ZNF148: variants seen among roughly 807,000 people sequenced by gnomAD.
ZNF148 encodes zinc finger protein 148.
Under a neutral mutation model 67.7 loss-of-function variants are expected in ZNF148, and 7 were observed. That is an observed-to-expected ratio of 0.10 (90% CI 0.06 to 0.19). The LOEUF is 0.19. Among genes scored for constraint, ZNF148 ranks in the 10% least tolerant of loss-of-function variants. The pLI is 1.00. For missense variants in ZNF148, 583 were observed against 947.1 expected (o/e 0.62, Z 5.05); for synonymous variants, 333 against 330.7 (o/e 1.01, Z -0.08).
chr3:125,371,023 T>C (rs1393024023), intron 1 of ZNF148, among the ~76,000 whole-genome samples: 1 of 151,972 alleles, frequency 6.6e-6, no homozygotes, highest in Non-Finnish European at 1.5e-5. Context: ...AAAAAACACA[T>C]GTATATGCCA....
chr3:125,309,516 C>A (rs7612285), intron 4 of ZNF148, among the ~76,000 whole-genome samples: 117,303 of 152,106 alleles, frequency 0.77, 45,764 homozygotes, highest in African/African-American at 0.85. Flanking sequence ...ACAGAAAAAA[C>A]CCATAGTGGA....
intron 1 of ZNF148, among the ~76,000 whole-genome samples, chr3:125,349,608 GAACA>G (rs1942065805): frequency 6.6e-6 from 1 of 152,184 alleles, no homozygotes; most frequent in Admixed American, 6.5e-5. Flanking sequence ...GAAGAGAAGG[GAACA>G]CTTAAATATT....
At position 125,233,807 on chromosome 3, in the gene ZNF148, G is replaced by C. The variant is rs1413380850; in HGVS notation, c.919C>G (p.Pro307Ala). 1 of 1,613,624 alleles carries C rather than the reference G, an allele frequency of 6.2e-7. No homozygotes were observed. The highest frequency in any genetic ancestry group is 8.5e-7 in the Non-Finnish European group (1 of 1,179,844). ...SEEDSGFSTS[P>A]KDNSLPKKKR... is the part of the protein sequence containing the mutation. The stretch of plus-strand genomic sequence containing the variant: ...TTTTTTGGCAGTGAGTTGTCTTTTG[G>C]TGATGTAGAAAAGCCAGAATCTTCC... The change falls in exon 9 of 9, where the codon CCA becomes GCA. Residue 307 changes from proline (P) to alanine (A), a missense_variant. Coordinates refer to ENST00000360647, the MANE Select transcript of ZNF148 (RefSeq NM_021964.3). This position sits in a 1 kb window ranked among gnomAD's most constrained non-coding sequence, Gnocchi z 5.1.
chr3:125,271,602 G>C (rs1937741708), intron 7 of ZNF148, among the ~76,000 whole-genome samples: 1 of 152,202 alleles, frequency 6.6e-6, no homozygotes, highest in South Asian at 2.1e-4. Flanking sequence ...CACTGAGGGA[G>C]GTGACTTAAT....
In ZNF148 at chr3:125,232,507, G is replaced by C; in HGVS notation, c.2219C>G (p.Ser740Ter). 1 of 1,613,662 alleles carries C rather than the reference G, an allele frequency of 6.2e-7. No homozygotes were observed. The highest frequency in any genetic ancestry group is 8.5e-7 in the Non-Finnish European group (1 of 1,179,730). Reference sequence around the variant, plus strand: ...AAATTGAGTAGCTATTCCAGCTCTTGATCCATGATAGGGAGCACGGAAGGG... The same window carrying C: ...AAATTGAGTAGCTATTCCAGCTCTTCATCCATGATAGGGAGCACGGAAGGG... ...EQPFRAPYHG[S>*]RAGIATQFST... The change falls in exon 9 of 9, where the codon TCA (serine) becomes TGA (stop). Residue 740 changes from serine to a stop codon, truncating the protein, a stop_gained. Coordinates refer to ENST00000360647, the MANE Select transcript of ZNF148 (RefSeq NM_021964.3). LOFTEE classifies it high-confidence loss of function. The surrounding 1 kb of genome is among the most constrained non-coding windows in gnomAD (Gnocchi z 4.2).
intron 1 of ZNF148, among the ~76,000 whole-genome samples, chr3:125,331,846 T>C (rs1487829464): frequency 6.6e-6 from 1 of 152,198 alleles, no homozygotes; most frequent in Non-Finnish European, 1.5e-5. Flanking sequence ...GGTACTGCAT[T>C]GATGCCGACC....
chr3:125,366,029 C>T (rs1942691960), intron 1 of ZNF148, among the ~76,000 whole-genome samples: 1 of 152,150 alleles, frequency 6.6e-6, no homozygotes, highest in Non-Finnish European at 1.5e-5. Context: ...CACCACATTA[C>T]CCGCAATCTA....
At chr3:125,255,447 A>G (rs1937033893) in intron 7 of ZNF148, among the ~76,000 whole-genome samples, 1 of 151,840 alleles carries the variant, frequency 6.6e-6, no homozygotes, top group Admixed American at 6.6e-5. Flanking sequence ...GGGTTTCCCC[A>G]TGTTGGCCAG....
intron 3 of ZNF148, among the ~76,000 whole-genome samples, chr3:125,316,366 G>A (rs1404603052): frequency 6.6e-6 from 1 of 152,180 alleles, no homozygotes; most frequent in Non-Finnish European, 1.5e-5. Context: ...ATACCCAGCA[G>A]TGCGATTGCT....
chr3:125,352,211 T>C (rs982848788), intron 1 of ZNF148, among the ~76,000 whole-genome samples: 7 of 151,390 alleles, frequency 4.6e-5, no homozygotes, highest in African/African-American at 1.7e-4. Flanking sequence ...TAGATTACTA[T>C]TCAGCAATAA....
intron 5 of ZNF148, among the ~76,000 whole-genome samples, chr3:125,280,677 CT>C (rs1389697823): frequency 3.6e-5 from 2 of 55,424 alleles, no homozygotes; most frequent in East Asian, 3.2e-4. Flanking sequence ...TAAAACCCAT[CT>C]CAAAAAAAAA....
chr3:125,327,474 C>A (rs933850253), intron 2 of ZNF148, among the ~76,000 whole-genome samples: 14 of 152,106 alleles, frequency 9.2e-5, no homozygotes, highest in African/African-American at 3.1e-4. Flanking sequence ...ACAGGCCACA[C>A]GCGGGGCCAT....
At chr3:125,326,537 TA>T (rs1941025056) in intron 2 of ZNF148, among the ~76,000 whole-genome samples, 2 of 150,900 alleles carry the variant, frequency 1.3e-5, no homozygotes, top group Admixed American at 1.3e-4. Flanking sequence ...AAAAAGTATT[TA>T]ACACAAAAGG....
At chr3:125,280,162 T>A (rs1314936670) in intron 5 of ZNF148, among the ~76,000 whole-genome samples, 1 of 152,244 alleles carries the variant, frequency 6.6e-6, no homozygotes, top group East Asian at 1.9e-4. Flanking sequence ...GGGGTCCATC[T>A]GGGGCATAAG....
At chr3:125,314,426 T>G (rs79685670) in intron 3 of ZNF148, among the ~76,000 whole-genome samples, 1,965 of 152,332 alleles carry the variant, frequency 0.013, 41 homozygotes, top group African/African-American at 0.044. Flanking sequence ...GTTAAGTATA[T>G]TTCAGTTTAG....
Position 125,232,555 on chromosome 3 carries a change from T to C in ZNF148, c.2171A>G (p.Tyr724Cys). 6.2e-7 allele frequency: 1 copy of C among 1,613,768 alleles called. No individual in the cohort carries two copies. The highest frequency in any genetic ancestry group is 2.2e-5 in the East Asian group (1 of 44,882). ...GGGCTGTTCAAAGGAGCTCATTTGG[T>C]AAGCTTGGTGGACAGGCTGGGCCTC... is the stretch of plus-strand genomic sequence containing the variant. ...KAEAQPVHQA[Y>C]QMSSFEQPFR... The change falls in exon 9 of 9, where the codon TAC (tyrosine) becomes TGC (cysteine). Residue 724 changes from tyrosine (Y) to cysteine (C), a missense_variant. Physicochemically the swap from Tyr to Cys is radical, Grantham distance 194. Transcript: ENST00000360647. This position sits in a 1 kb window ranked among gnomAD's most constrained non-coding sequence, Gnocchi z 4.2.
In ZNF148 at chr3:125,232,337, T is replaced by G; in HGVS notation, c.*4A>C. The G allele has an allele frequency of 6.3e-7, 1 of 1,585,054 alleles. No individual in the cohort carries two copies. Among genetic ancestry groups the G allele is most frequent in the Non-Finnish European group, 8.6e-7 (1 of 1,167,260 alleles). On this transcript the variant is annotated 3_prime_UTR_variant, in exon 9 of 9. Transcript: ENST00000360647. The surrounding 1 kb of genome is among the most constrained non-coding windows in gnomAD (Gnocchi z 4.2). ...CCAGTATTATTTACACTTTTTTTTTTTTTTTAGCCAAAAGTCTGGCCAGTT... is the reference window on the plus strand; with the variant it reads ...CCAGTATTATTTACACTTTTTTTTTGTTTTTAGCCAAAAGTCTGGCCAGTT...
intron 4 of ZNF148, chr3:125,310,914 C>A (rs1026623078): frequency 1.8e-5 from 4 of 216,374 alleles, no homozygotes; most frequent in Admixed American, 8.5e-5. Context: ...CCCACCGTTA[C>A]CCCCAGCAAA....
chr3:125,297,214 T>C (rs1279666741), intron 4 of ZNF148, among the ~76,000 whole-genome samples: 1 of 152,108 alleles, frequency 6.6e-6, no homozygotes, highest in Admixed American at 6.5e-5. Context: ...AGGAAATCTC[T>C]ATGGGTAAGT....
Sources: gnomAD v4.1 joint callset for allele counts (sites outside exome capture counted in the v4.1 genomes callset) on GRCh38, gnomAD v4.1.1 for gene constraint, Gnocchi (gnomAD v3.1) non-coding constraint, MANE v1.5 for transcripts, NCBI Gene and HGNC (gene_info 2026-07-23, HGNC 2026-07-21) for gene names.